The following PKNOX2 variants were observed in gnomAD, a reference collection of about 807,000 sequenced individuals.
The protein encoded by PKNOX2 is homeobox protein PKNOX2.
In PKNOX2, 14 loss-of-function variants were observed where a neutral mutation model predicts 53.1. The observed-to-expected ratio is 0.26, with a 90% CI of 0.17 to 0.41. The LOEUF is 0.41. PKNOX2 is among the 10% of genes least tolerant of loss of function. PKNOX2 has a pLI of 1.00. For synonymous variants in PKNOX2, 257 were observed against 242.8 expected, an observed-to-expected ratio of 1.06 and a Z score of -0.54; for missense variants, 496 against 602.8, an observed-to-expected ratio of 0.82 and a Z score of 1.85.
intron 2 of PKNOX2, among the ~76,000 whole-genome samples, chr11:125,331,301 A>C: frequency 6.6e-6 from 1 of 151,698 alleles, no homozygotes; most frequent in African/African-American, 2.4e-5. Context: ...TTCCCCTCCG[A>C]CTCTTCCTCC....
chr11:125,253,344 A>G (rs1196768165), intron 2 of PKNOX2, among the ~76,000 whole-genome samples: 1 of 152,166 alleles, frequency 6.6e-6, no homozygotes, highest in African/African-American at 2.4e-5. Flanking sequence ...TACGCAGGCT[A>G]CTGGGCCTCC....
At chr11:125,423,426 T>C (rs918967112) in intron 10 of PKNOX2, among the ~76,000 whole-genome samples, 8 of 152,192 alleles carry the variant, frequency 5.3e-5, no homozygotes, top group East Asian at 1.9e-4. Context: ...TAGAGCAACC[T>C]GCCTCTAGGT....
At chr11:125,407,928 TACA>T (rs1402043697) in intron 7 of PKNOX2, among the ~76,000 whole-genome samples, 2 of 152,186 alleles carry the variant, frequency 1.3e-5, no homozygotes, top group Non-Finnish European at 2.9e-5. Flanking sequence ...ATGCACTGTA[TACA>T]TAAGGAGATG....
At chr11:125,189,283 G>A (rs1347334735) in intron 1 of PKNOX2, among the ~76,000 whole-genome samples, 1 of 149,356 alleles carries the variant, frequency 6.7e-6, no homozygotes, top group Non-Finnish European at 1.5e-5. Flanking sequence ...TTCATGATGA[G>A]ACTTTCTGGG....
chr11:125,215,657 C>T (rs1044408158), intron 1 of PKNOX2, among the ~76,000 whole-genome samples: 3 of 150,016 alleles, frequency 2.0e-5, no homozygotes, highest in African/African-American at 7.3e-5. Context: ...GAAGCTGAGG[C>T]AGGAGAATCA....
Position 125,367,970 on chromosome 11 carries a change from A to G in PKNOX2, c.212A>G (p.Lys71Arg). The change falls in exon 5 of 13, where the codon AAG becomes AGG. Residue 71 changes from lysine (K) to arginine (R), a missense_variant. Lys to Arg is a conservative substitution (Grantham distance 26). This residue lies in a region of PKNOX2 where 168 missense variants were observed against 178.4 expected (regional missense o/e 0.94). Transcript: ENST00000298282. Reference sequence around the variant, plus strand: ...CCCCAGGCCCAGCTGGAGGCTGACAAGCGAGCTGTATACAGGTAGGAGACA... The same window carrying G: ...CCCCAGGCCCAGCTGGAGGCTGACAGGCGAGCTGTATACAGGTAGGAGACA... Reference protein sequence around the residue: ...IDPQAQLEADKRAVYRHPLFP... With the variant: ...IDPQAQLEADRRAVYRHPLFP... 1 of 1,613,230 alleles carries G rather than the reference A, an allele frequency of 6.2e-7. No homozygotes were observed.
At chr11:125,274,739 G>C (rs1308182560) in intron 2 of PKNOX2, among the ~76,000 whole-genome samples, 2 of 152,144 alleles carry the variant, frequency 1.3e-5, no homozygotes, top group African/African-American at 4.8e-5. Context: ...AAATATTCTA[G>C]GACCTTGGAA....
rs374948042 is a variant in PKNOX2 at position 125,243,772 on chromosome 11, G to A, written c.-130+8657G>A. The stretch of plus-strand genomic sequence containing the variant: ...CGAGTAGCTGGGACTACAGGTGCCC[G>A]CCACCATGCCTGGCTAATTTTTTGT... On this transcript the variant is annotated intron_variant, in intron 2 of 12. Transcript: ENST00000298282. 1.6e-4 allele frequency among the ~76,000 whole-genome samples: 25 copies of A among 152,170 alleles called. No homozygotes were observed. The East Asian group carries it at 1.9e-3, about 12-fold the overall frequency.
intron 2 of PKNOX2, among the ~76,000 whole-genome samples, chr11:125,290,249 C>G (rs112611199): frequency 9.2e-5 from 14 of 152,328 alleles, no homozygotes; most frequent in African/African-American, 3.1e-4. Flanking sequence ...TTGGCTACCC[C>G]TCCCAAAGCC....
intron 10 of PKNOX2, among the ~76,000 whole-genome samples, chr11:125,419,485 A>G (rs1956061020): frequency 2.0e-5 from 3 of 151,036 alleles, no homozygotes. Flanking sequence ...TGGCTTAGGG[A>G]GACTGGCCCA....
intron 1 of PKNOX2, among the ~76,000 whole-genome samples, chr11:125,218,121 G>A (rs556122114): frequency 1.3e-5 from 2 of 152,160 alleles, no homozygotes; most frequent in South Asian, 4.2e-4. Flanking sequence ...TGGGTGGGAG[G>A]GCTTTGGTTC....
At chr11:125,364,124 AT>A (rs1952063756) in intron 4 of PKNOX2, among the ~76,000 whole-genome samples, 1 of 152,190 alleles carries the variant, frequency 6.6e-6, no homozygotes, top group Non-Finnish European at 1.5e-5. Flanking sequence ...ACTTCAAGCT[AT>A]CCCCATCCTC....
intron 1 of PKNOX2, among the ~76,000 whole-genome samples, chr11:125,192,440 T>G (rs1435957073): frequency 2.0e-5 from 3 of 152,212 alleles, no homozygotes; most frequent in Non-Finnish European, 4.4e-5. Flanking sequence ...GCGTCCATCC[T>G]GTGTCCTGCT....
rs1218480422 is a variant in PKNOX2, at chr11:125,166,265, A to G, written c.-201+1489A>G. ...GCTATTGGAATTTGGGGAGGGTAGC[A>G]CGAGGGGTCCTGCAGCTCCGCGTGT... On this transcript the variant is annotated intron_variant, in intron 1 of 12. Transcript: ENST00000298282. The surrounding 1 kb of genome is among the most constrained non-coding windows in gnomAD (Gnocchi z 4.0). Among the ~76,000 whole-genome samples the G allele has an allele frequency of 6.6e-6, 1 of 152,124 alleles. No homozygotes were observed. The highest frequency in any genetic ancestry group is 1.5e-5 in the Non-Finnish European group (1 of 68,008).
intron 3 of PKNOX2, among the ~76,000 whole-genome samples, chr11:125,345,606 A>T (rs1429154781): frequency 1.3e-5 from 2 of 152,196 alleles, no homozygotes; most frequent in East Asian, 3.8e-4. Flanking sequence ...CCACAGAGTC[A>T]CATGAAATCA....
intron 3 of PKNOX2, among the ~76,000 whole-genome samples, chr11:125,340,566 C>T (rs915511727): frequency 3.9e-5 from 6 of 152,138 alleles, no homozygotes; most frequent in South Asian, 2.1e-4. Context: ...CCAGGTGACC[C>T]GTATCTACTG....
chr11:125,369,368 C>T (rs1451392290), intron 5 of PKNOX2, among the ~76,000 whole-genome samples: 1 of 152,236 alleles, frequency 6.6e-6, no homozygotes, highest in East Asian at 1.9e-4. Flanking sequence ...CAGTGCCTCT[C>T]AGGGAGACTC....
intron 1 of PKNOX2, among the ~76,000 whole-genome samples, chr11:125,211,953 T>C (rs1939898001): frequency 1.3e-5 from 2 of 152,146 alleles, no homozygotes. Flanking sequence ...TATATGGCTC[T>C]ATTTCTTTGG....
At chr11:125,419,452 G>GAAAAAAAAAAAAAAAAAA (rs11309457) in intron 10 of PKNOX2, among the ~76,000 whole-genome samples, 1 of 137,762 alleles carries the variant, frequency 7.3e-6, no homozygotes, top group Non-Finnish European at 1.5e-5. Context: ...GAAAAAAAAA[G>GAAAAAAAAAAAAAAAAAA]AAAAAAAAAA....
Sources: gnomAD v4.1 joint callset for allele counts (sites outside exome capture counted in the v4.1 genomes callset) on GRCh38, gnomAD v4.1.1 for gene constraint, gnomAD v4.1.1 regional missense constraint, Gnocchi (gnomAD v3.1) non-coding constraint, MANE v1.5 for transcripts, NCBI Gene and HGNC (gene_info 2026-07-23, HGNC 2026-07-21) for gene names.